Variants in TXNIP observed in about 807,000 individuals in gnomAD.
TXNIP encodes thioredoxin interacting protein.
In TXNIP, 23 loss-of-function variants were observed where a neutral mutation model predicts 43.9. The ratio of observed to expected loss-of-function variants is 0.52; its 90% CI spans 0.38 to 0.74. The LOEUF (loss-of-function observed/expected upper bound fraction) is 0.74, where lower values mean the gene tolerates loss of function less well. Ranked by LOEUF, TXNIP falls within the 30% of genes least tolerant of loss-of-function variation. TXNIP has a pLI of 0.00. For synonymous variants in TXNIP, 234 were observed against 172.2 expected (o/e 1.36, Z -2.81); for missense variants, 555 against 485.4 (o/e 1.14, Z -1.35).
At chr1:145,995,602 A>G (rs782352623) in intron 1 of TXNIP, 126 bp from the exon 2 acceptor site, 2 of 861,788 alleles carry the variant, frequency 2.3e-6, no homozygotes, top group Non-Finnish European at 1.9e-6. Context: ...CCATATATAT[A>G]TTTTTTAATC....
In TXNIP at chr1:145,994,600, T is replaced by G; in HGVS notation, c.775A>C (p.Lys259Gln). ...CAGCCCAGGATAGAAGGCCTGATCT[T>G]CTGAACCCGAAGGCTCTTGCCACGC... is the stretch of plus-strand genomic sequence containing the variant. The part of the protein sequence containing the change: ...SWRGKSLRVQ[K>Q]IRPSILGCNI... The change falls in exon 5 of 8, where the codon AAG (lysine) becomes CAG (glutamine). Residue 259 changes from lysine to glutamine, a missense_variant. Physicochemically the swap from Lys to Gln is moderately conservative, Grantham distance 53. Coordinates refer to ENST00000582401, the MANE Select transcript of TXNIP (RefSeq NM_006472.6). 6.2e-7 allele frequency: 1 copy of G among 1,614,204 alleles called. No homozygotes were observed. Among genetic ancestry groups the G allele is most frequent in the Non-Finnish European group, 8.5e-7 (1 of 1,180,038 alleles).
In TXNIP at chr1:145,993,543, G is replaced by A. The variant is rs587669942; in HGVS notation, c.*308C>T. The stretch of plus-strand genomic sequence containing the variant: ...CCAGGAGGCCATTTTTACCTGACCC[G>A]AAACTATCGAAAAGGCCTCAATTTT... On this transcript the variant is annotated 3_prime_UTR_variant, in exon 8 of 8. Transcript: ENST00000582401. 5.2e-5 allele frequency: 14 copies of A among 267,274 alleles called. No homozygotes were observed. Among genetic ancestry groups the A allele is most frequent in the African/African-American group, 2.0e-4 (9 of 45,622 alleles). The allele number at this position is 267,274 out of a possible 1,614,324, so 16.6% of individuals were successfully genotyped here.
intron 4 of TXNIP, 31 bp downstream of exon 4, chr1:145,994,898 G>A: frequency 1.2e-6 from 2 of 1,614,018 alleles, no homozygotes; most frequent in Non-Finnish European, 1.7e-6. Context: ...CCCAGTTCCT[G>A]TTTTAACTGC....
Position 145,996,019 on chromosome 1 carries a change from G to GT in TXNIP, c.247dup (p.Thr83AsnfsTer3), listed in dbSNP as rs782657618. The GT allele has an allele frequency of 6.2e-7, 1 of 1,613,212 alleles. No individual in the cohort carries two copies. Among genetic ancestry groups the GT allele is most frequent in the Non-Finnish European group, 8.5e-7 (1 of 1,179,762 alleles). On this transcript the variant is annotated frameshift_variant, in exon 1 of 8. Transcript: ENST00000582401. LOFTEE classifies it high-confidence loss of function. ...CAACAATGAATTGGGCCGCTTACCT[G>GT]TTGGCTGGTCTTCCAGAAGAAGCGT...
Position 145,994,595 on chromosome 1 carries a change from G to C in TXNIP, c.780C>G (p.Ile260Met), listed in dbSNP as rs782687699. ...TGTTGCAGCCCAGGATAGAAGGCCT[G>C]ATCTTCTGAACCCGAAGGCTCTTGC... ...WRGKSLRVQK[I>M]RPSILGCNIL... Residue 260 changes from isoleucine to methionine, a missense_variant, in exon 5 of 8, where the codon ATC (isoleucine) becomes ATG (methionine). Coordinates refer to ENST00000582401, the MANE Select transcript of TXNIP (RefSeq NM_006472.6). 4 of 1,614,212 alleles carry C rather than the reference G, an allele frequency of 2.5e-6. No homozygotes were observed. The South Asian group carries it at 3.3e-5, about 13-fold the overall frequency.
At position 145,994,657 on chromosome 1, in the gene TXNIP, T is replaced by A. The variant is rs1553766112; in HGVS notation, c.718A>T (p.Asn240Tyr). The change falls in exon 5 of 8, where the codon AAT (asparagine) becomes TAT (tyrosine). Residue 240 changes from asparagine (N) to tyrosine (Y), a missense_variant. Transcript: ENST00000582401. ...LTQKLSSVRG[N>Y]HIISGTCASW... ...GCGCATGTCCCTGAGATAATATGAT[T>A]GCCTCTGACTGATGACAACTTCTGA... 6.2e-7 allele frequency: 1 copy of A among 1,614,098 alleles called. No individual in the cohort carries two copies. Among genetic ancestry groups the A allele is most frequent in the African/African-American group, 1.3e-5 (1 of 74,926 alleles).
rs1651533634 is a variant in TXNIP, at chr1:145,996,330, G to A, written c.-64C>T. 6.5e-6 allele frequency: 10 copies of A among 1,548,018 alleles called. No individual in the cohort carries two copies. In the Admixed American group the frequency reaches 1.9e-4, roughly 29 times the overall value. On this transcript the variant is annotated 5_prime_UTR_variant, in exon 1 of 8. Coordinates refer to ENST00000582401, the MANE Select transcript of TXNIP (RefSeq NM_006472.6). ...TGGAAGAAAAAAAAAGCTCCAAATC[G>A]AGGAAACCCCTTTGCAAAAAATTAT...
intron 6 of TXNIP, 21 bp downstream of exon 6, chr1:145,994,260 A>G (rs781857159): frequency 1.9e-6 from 3 of 1,613,130 alleles, no homozygotes; most frequent in Admixed American, 1.7e-5. Flanking sequence ...AAACAAAGAA[A>G]AGACATTAGG....
At position 145,994,804 on chromosome 1, in the gene TXNIP, G is replaced by A. The variant is rs1261071332; in HGVS notation, c.575-4C>T. ...GCATGGATGGAAATCTCATCACCTA[G>A]CAATGAGAAAGATGAAAACTTACTG... On this transcript the variant is annotated splice_region_variant and splice_polypyrimidine_tract_variant and intron_variant, in intron 4 of 7. Coordinates refer to ENST00000582401, the MANE Select transcript of TXNIP (RefSeq NM_006472.6). 5.6e-6 allele frequency: 9 copies of A among 1,613,982 alleles called. No individual in the cohort carries two copies. The highest frequency in any genetic ancestry group is 1.3e-5 in the African/African-American group (1 of 74,906).
rs1406527116 is a variant in TXNIP, at chr1:145,992,970, T to TA, written c.*880dup. On this transcript the variant is annotated 3_prime_UTR_variant, in exon 8 of 8. Coordinates refer to ENST00000582401, the MANE Select transcript of TXNIP (RefSeq NM_006472.6). ...GTAAAATTTTTTTTGTCTTTTGGCT[T>TA]AACCCTAGAGACACAGTAGACCAGT... 2.6e-5 allele frequency: 4 copies of TA among 152,686 alleles called. No homozygotes were observed. The highest frequency in any genetic ancestry group is 5.9e-5 in the Non-Finnish European group (4 of 68,054). 9.5% of individuals were successfully genotyped at this position (152,686 alleles called of 1,614,324 possible).
In TXNIP at chr1:145,994,872, T is replaced by C. The variant is rs587628129; in HGVS notation, c.574+57A>G. 6.4e-5 allele frequency: 104 copies of C among 1,613,852 alleles called. No homozygotes were observed. The Middle Eastern group carries it at 1.2e-3, about 18-fold the overall frequency. On this transcript the variant is annotated intron_variant, in intron 4 of 7. Transcript: ENST00000582401. ...TGACACTTCCTCTACCCCAGTCCCA[T>C]GCCCTTGCCCCTAAACCCAGTTCCT...
rs1651293314 is a variant in TXNIP, at chr1:145,993,720, A to G, written c.*131T>C. ...AGATTGCCTGCTGACCACCTCCTAC[A>G]TTAGGAAGTCAGAGGCTAAGGTGGA... On this transcript the variant is annotated 3_prime_UTR_variant, in exon 8 of 8. Coordinates refer to ENST00000582401, the MANE Select transcript of TXNIP (RefSeq NM_006472.6). The G allele has an allele frequency of 2.9e-6, 3 of 1,029,872 alleles. No individual in the cohort carries two copies. The highest frequency in any genetic ancestry group is 4.2e-6 in the Non-Finnish European group (3 of 706,806). The allele number at this position is 1,029,872 out of a possible 1,614,324, so 63.8% of individuals were successfully genotyped here.
At position 145,993,824 on chromosome 1, in the gene TXNIP, T is replaced by G; in HGVS notation, c.*27A>C. 1 of 1,613,838 alleles carries G rather than the reference T, an allele frequency of 6.2e-7. No homozygotes were observed. Among genetic ancestry groups the G allele is most frequent in the Non-Finnish European group, 8.5e-7 (1 of 1,179,844 alleles). Reference sequence around the variant, plus strand: ...AGAGAGACAAAAAGAAACAAGTAGGTAAAGCTGCTTCTTTTCTTCCACATG... The same window carrying G: ...AGAGAGACAAAAAGAAACAAGTAGGGAAAGCTGCTTCTTTTCTTCCACATG... On this transcript the variant is annotated 3_prime_UTR_variant, in exon 8 of 8. Transcript: ENST00000582401.
rs782497415 is a variant in TXNIP at position 145,995,371 on chromosome 1, A to C, written c.323+33T>G. On this transcript the variant is annotated intron_variant, in intron 2 of 7. Coordinates refer to ENST00000582401, the MANE Select transcript of TXNIP (RefSeq NM_006472.6). ...AAGGAGGGCAAGATATTTTAGACAG[A>C]AAAGTTCAAAGATGCATTTAGCTGA... 1.9e-6 allele frequency: 3 copies of C among 1,610,446 alleles called. No individual in the cohort carries two copies. In the African/African-American group the frequency reaches 4.0e-5, roughly 22 times the overall value.
chr1:145,993,570 AAGG>A lies in TXNIP; in HGVS notation c.*278_*280del, dbSNP rs1415978448. The A allele has an allele frequency of 1.5e-5, 5 of 333,496 alleles. No individual in the cohort carries two copies. Among genetic ancestry groups the A allele is most frequent in the Non-Finnish European group, 2.8e-5 (5 of 180,354 alleles). The allele number at this position is 333,496 out of a possible 1,614,324, so 20.7% of individuals were successfully genotyped here. On this transcript the variant is annotated 3_prime_UTR_variant, in exon 8 of 8. Coordinates refer to ENST00000582401, the MANE Select transcript of TXNIP (RefSeq NM_006472.6). ...AACTATCGAAAAGGCCTCAATTTTCAAGGAGATCTGAGAAAATGGATGGGCCTG... is the reference window on the plus strand; with the variant it reads ...AACTATCGAAAAGGCCTCAATTTTCAAGATCTGAGAAAATGGATGGGCCTG...
In TXNIP at chr1:145,995,223, C is replaced by A. The variant is rs369510121; in HGVS notation, c.392G>T (p.Arg131Leu). 1.9e-6 allele frequency: 3 copies of A among 1,614,000 alleles called. No individual in the cohort carries two copies. The highest frequency in any genetic ancestry group is 8.5e-7 in the Non-Finnish European group (1 of 1,179,994). Residue 131 changes from arginine (R) to leucine (L), a missense_variant, in exon 3 of 8, where the codon CGC becomes CTC. Coordinates refer to ENST00000582401, the MANE Select transcript of TXNIP (RefSeq NM_006472.6). Reference sequence around the variant, plus strand: ...TGTCTCTTGAGTTGGCTGGCTCGGGCGGTCAAGAAAAGCCTTCACCCAGTA... The same window carrying A: ...TGTCTCTTGAGTTGGCTGGCTCGGGAGGTCAAGAAAAGCCTTCACCCAGTA... ...VDYWVKAFLD[R>L]PSQPTQETKK...
Position 145,996,295 on chromosome 1 carries a change from GA to G in TXNIP, c.-30del. 1 of 1,581,902 alleles carries G rather than the reference GA, an allele frequency of 6.3e-7. No individual in the cohort carries two copies. The highest frequency in any genetic ancestry group is 8.6e-7 in the Non-Finnish European group (1 of 1,164,286). On this transcript the variant is annotated 5_prime_UTR_variant, in exon 1 of 8. Transcript: ENST00000582401. ...GGAACTGAGTTGGTTTTAAGAGTTAGAAATGACGGTGGAAGAAAAAAAAAGC... is the reference window on the plus strand; with the variant it reads ...GGAACTGAGTTGGTTTTAAGAGTTAGAATGACGGTGGAAGAAAAAAAAAGC...
At position 145,993,704 on chromosome 1, in the gene TXNIP, G is replaced by A; in HGVS notation, c.*147C>T. 1 of 869,560 alleles carries A rather than the reference G, an allele frequency of 1.2e-6. No homozygotes were observed. The highest frequency in any genetic ancestry group is 1.7e-6 in the Non-Finnish European group (1 of 572,100). 53.9% of individuals were successfully genotyped at this position (869,560 alleles called of 1,614,324 possible). On this transcript the variant is annotated 3_prime_UTR_variant, in exon 8 of 8. Transcript: ENST00000582401. The stretch of plus-strand genomic sequence containing the variant: ...TCCTTTAAGGCCCAGGAGATTGCCT[G>A]CTGACCACCTCCTACATTAGGAAGT...
Position 145,993,521 on chromosome 1 carries a change from G to A in TXNIP, c.*330C>T. ...AAAAAACCTTGAAAAGCTTACGCCA[G>A]GAGGCCATTTTTACCTGACCCGAAA... On this transcript the variant is annotated 3_prime_UTR_variant, in exon 8 of 8. Transcript: ENST00000582401. 1 of 225,026 alleles carries A rather than the reference G, an allele frequency of 4.4e-6. No individual in the cohort carries two copies. The highest frequency in any genetic ancestry group is 8.9e-6 in the Non-Finnish European group (1 of 112,026). The allele number at this position is 225,026 out of a possible 1,614,324, so 13.9% of individuals were successfully genotyped here.
Sources: allele counts gnomAD v4.1 joint callset, GRCh38; gene constraint gnomAD v4.1.1; transcripts MANE v1.5; gene names NCBI Gene and HGNC (gene_info 2026-07-23, HGNC 2026-07-21).